Variants in PDE10A observed in about 807,000 individuals in gnomAD.
The protein encoded by PDE10A is phosphodiesterase 10A, also known as cAMP and cAMP-inhibited cGMP 3',5'-cyclic phosphodiesterase 10A.
PDE10A carries 39 observed loss-of-function variants against 97.7 expected under a neutral mutation model. The ratio of observed to expected loss-of-function variants is 0.40; its 90% CI spans 0.31 to 0.52. The LOEUF (loss-of-function observed/expected upper bound fraction) is 0.52, where lower values mean the gene tolerates loss of function less well. Among genes scored for constraint, PDE10A ranks in the 20% least tolerant of loss-of-function variants. PDE10A has a pLI of 0.56. For missense variants in PDE10A, 731 were observed against 1,047.8 expected (o/e 0.70, Z 4.17); for synonymous variants, 371 against 376.8 (o/e 0.98, Z 0.18).
chr6:165,816,542 GGGGGCC>G (rs1322137696), intron 1 of PDE10A, among the ~76,000 whole-genome samples: 3 of 152,180 alleles, frequency 2.0e-5, no homozygotes, highest in African/African-American at 7.2e-5. Flanking sequence ...CAATAAGAAC[GGGGGCC>G]TTGCTTCAGT....
At chr6:165,674,873 TTTG>T (rs542605606) in intron 1 of PDE10A, among the ~76,000 whole-genome samples, 10 of 152,294 alleles carry the variant, frequency 6.6e-5, no homozygotes, top group Non-Finnish European at 1.0e-4. Context: ...GCTGGAAGTT[TTTG>T]TTGTTGTTGT....
chr6:165,613,993 A>G (rs575891575), intron 1 of PDE10A, among the ~76,000 whole-genome samples: 1 of 152,260 alleles, frequency 6.6e-6, no homozygotes, highest in Non-Finnish European at 1.5e-5. Flanking sequence ...CCAAAACTGG[A>G]GGCCAGCCTG....
At chr6:165,539,067 G>A (rs969532048) in intron 2 of PDE10A, among the ~76,000 whole-genome samples, 1 of 152,096 alleles carries the variant, frequency 6.6e-6, no homozygotes, top group East Asian at 1.9e-4. Context: ...TTCTGAGGAT[G>A]TATCGGCTTT....
intron 1 of PDE10A, among the ~76,000 whole-genome samples, chr6:165,843,365 C>T (rs1345816161): frequency 6.6e-6 from 1 of 152,186 alleles, no homozygotes; most frequent in East Asian, 1.9e-4. Flanking sequence ...AGTGCAGGAG[C>T]CAAGTTCCCT....
Position 165,610,403 on chromosome 6 carries a change from C to T in PDE10A, c.865+51544G>A, listed in dbSNP as rs573955389. Reference sequence around the variant, plus strand: ...AAAACTAGCTGGGCATGGTGGCAGGCGCCTGTAGTCCCAGCTACTTGGGAG... The same window carrying T: ...AAAACTAGCTGGGCATGGTGGCAGGTGCCTGTAGTCCCAGCTACTTGGGAG... On this transcript the variant is annotated intron_variant, in intron 1 of 21. Coordinates refer to ENST00000539869, the MANE Select transcript of PDE10A (RefSeq NM_001385079.1). 2.2e-4 allele frequency among the ~76,000 whole-genome samples: 33 copies of T among 152,076 alleles called. No homozygotes were observed. In the East Asian group the frequency reaches 5.1e-3, roughly 23 times the overall value.
At chr6:165,420,316 T>C (rs1788605975) in intron 10 of PDE10A, among the ~76,000 whole-genome samples, 1 of 152,146 alleles carries the variant, frequency 6.6e-6, no homozygotes, top group Non-Finnish European at 1.5e-5. Context: ...CCACAAAGCA[T>C]AACAATTTAC....
At chr6:165,926,854 A>G (rs756215988) in intron 1 of PDE10A, among the ~76,000 whole-genome samples, 4 of 152,246 alleles carry the variant, frequency 2.6e-5, no homozygotes, top group Non-Finnish European at 5.9e-5. Flanking sequence ...TTCATTTTCT[A>G]ATGGAAATAT....
chr6:165,528,212 G>A (rs1454449424), intron 2 of PDE10A, among the ~76,000 whole-genome samples: 1 of 152,234 alleles, frequency 6.6e-6, no homozygotes, highest in African/African-American at 2.4e-5. Flanking sequence ...GTCAAAAACT[G>A]TGAAGATATT....
At chr6:165,601,664 C>A (rs1279500578) in intron 1 of PDE10A, among the ~76,000 whole-genome samples, 1 of 152,206 alleles carries the variant, frequency 6.6e-6, no homozygotes, top group Non-Finnish European at 1.5e-5. Context: ...CAGGTAACTA[C>A]TTAGTGTTTC....
At chr6:165,456,333 C>A (rs1777952587) in intron 3 of PDE10A, among the ~76,000 whole-genome samples, 1 of 152,142 alleles carries the variant, frequency 6.6e-6, no homozygotes, top group Non-Finnish European at 1.5e-5. Context: ...TTAAATAAAC[C>A]AATACATTCT....
At chr6:165,693,528 C>CAAAAAAAAAAAAAA (rs55830575) in intron 1 of PDE10A, among the ~76,000 whole-genome samples, 1 of 56,756 alleles carries the variant, frequency 1.8e-5, no homozygotes. Flanking sequence ...GAGGCTCCAC[C>CAAAAAAAAAAAAAA]AAAAAAAAAA....
intron 18 of PDE10A, among the ~76,000 whole-genome samples, chr6:165,346,084 G>A (rs893611925): frequency 6.6e-6 from 1 of 152,204 alleles, no homozygotes; most frequent in African/African-American, 2.4e-5. Context: ...GACAAGATAG[G>A]AGTTTAACTT....
chr6:165,614,607 G>A (rs953526500), intron 1 of PDE10A, among the ~76,000 whole-genome samples: 8 of 152,102 alleles, frequency 5.3e-5, no homozygotes, highest in African/African-American at 1.9e-4. Flanking sequence ...CCCCAACACA[G>A]CAAGCCTGCA....
chr6:165,358,042 C>T (rs757309169), intron 18 of PDE10A, among the ~76,000 whole-genome samples: 3 of 152,240 alleles, frequency 2.0e-5, no homozygotes, highest in African/African-American at 4.8e-5. Context: ...GAGGTATTCT[C>T]GGACTTCCCG....
intron 1 of PDE10A, among the ~76,000 whole-genome samples, chr6:165,955,229 T>C (rs539383601): frequency 1.3e-5 from 2 of 152,290 alleles, no homozygotes; most frequent in South Asian, 4.1e-4. Flanking sequence ...TGTATAGGGT[T>C]GGAGGTGCAC....
At chr6:165,855,927 A>G (rs1780720709) in intron 1 of PDE10A, among the ~76,000 whole-genome samples, 1 of 152,164 alleles carries the variant, frequency 6.6e-6, no homozygotes, top group Non-Finnish European at 1.5e-5. Context: ...GTTTCTACTG[A>G]TTTAATGCCA....
intron 1 of PDE10A, among the ~76,000 whole-genome samples, chr6:165,900,580 C>G (rs912943526): frequency 3.9e-5 from 6 of 152,150 alleles, no homozygotes; most frequent in Non-Finnish European, 7.3e-5. Context: ...TTCTCTGTCT[C>G]TCTGTCTCCA....
intron 10 of PDE10A, among the ~76,000 whole-genome samples, chr6:165,424,725 A>G (rs188514039): frequency 7.9e-5 from 12 of 152,198 alleles, no homozygotes; most frequent in Admixed American, 3.3e-4. Context: ...ATTAACAACC[A>G]ATCCAGGAAT....
At chr6:165,835,544 C>T (rs1021192910) in intron 1 of PDE10A, among the ~76,000 whole-genome samples, 18 of 152,342 alleles carry the variant, frequency 1.2e-4, no homozygotes, top group African/African-American at 2.9e-4. Context: ...AGCTCGTGGA[C>T]GCCCACAGAG....
Sources: gnomAD v4.1 joint callset for allele counts (sites outside exome capture counted in the v4.1 genomes callset) on GRCh38, gnomAD v4.1.1 for gene constraint, MANE v1.5 for transcripts, NCBI Gene and HGNC (gene_info 2026-07-23, HGNC 2026-07-21) for gene names.